Variants in DLC1 observed in about 807,000 individuals in gnomAD.
DLC1 encodes DLC1 Rho GTPase activating protein, also known as rho GTPase-activating protein 7.
DLC1 carries 54 observed loss-of-function variants against 140.3 expected under a neutral mutation model. That is an observed-to-expected ratio of 0.38 (90% CI 0.31 to 0.48). DLC1 has a LOEUF of 0.48. Ranked by LOEUF, DLC1 falls within the 20% of genes least tolerant of loss-of-function variation. The pLI, the probability that DLC1 is intolerant of heterozygous loss-of-function variation, is 0.96. For missense variants in DLC1, 2,536 were observed against 1,907.0 expected (o/e 1.33, Z -6.14); for synonymous variants, 986 against 728.1 (o/e 1.35, Z -5.70).
chr8:13,278,207 G>A lies in DLC1; in HGVS notation c.1348+27062C>T, dbSNP rs184727564. Reference sequence around the variant, plus strand: ...TAACTGCTGATGTAGACAGACCTCCGTGCCTGCACGGGCCAATTCCAAATG... The same window carrying A: ...TAACTGCTGATGTAGACAGACCTCCATGCCTGCACGGGCCAATTCCAAATG... On this transcript the variant is annotated intron_variant, in intron 5 of 17. Coordinates refer to ENST00000276297, the MANE Select transcript of DLC1 (RefSeq NM_182643.3). 2.1e-3 allele frequency among the ~76,000 whole-genome samples: 325 copies of A among 152,330 alleles called. 2 individuals carry two copies. The highest frequency in any genetic ancestry group is 7.2e-3 in the African/African-American group (301 of 41,578).
intron 2 of DLC1, among the ~76,000 whole-genome samples, chr8:13,419,161 C>G (rs1563331221): frequency 6.6e-6 from 1 of 152,140 alleles, no homozygotes; most frequent in Non-Finnish European, 1.5e-5. Flanking sequence ...GGTCTGCAAA[C>G]AGGGACAATT....
chr8:13,338,307 G>GA (rs1833891407), intron 4 of DLC1, among the ~76,000 whole-genome samples: 1 of 151,978 alleles, frequency 6.6e-6, no homozygotes, highest in Non-Finnish European at 1.5e-5. Context: ...GCCATGGTTC[G>GA]AAAAAAATAC....
intron 2 of DLC1, among the ~76,000 whole-genome samples, chr8:13,489,748 A>G (rs918336175): frequency 1.3e-5 from 2 of 152,294 alleles, no homozygotes; most frequent in South Asian, 4.1e-4. Context: ...AACCCTGGGC[A>G]GTGCAGGAGT....
At chr8:13,503,425 G>A (rs899455981) in intron 1 of DLC1, among the ~76,000 whole-genome samples, 7 of 152,064 alleles carry the variant, frequency 4.6e-5, no homozygotes, top group African/African-American at 1.4e-4. Context: ...CAAATTAAAT[G>A]TTACCGTATT....
intron 5 of DLC1, among the ~76,000 whole-genome samples, chr8:13,250,082 T>G (rs7011100): frequency 6.6e-6 from 1 of 152,112 alleles, no homozygotes; most frequent in Non-Finnish European, 1.5e-5. Context: ...TGGAATGGAT[T>G]GCATTCATTG....
At chr8:13,458,830 G>C (rs1447694753) in intron 2 of DLC1, among the ~76,000 whole-genome samples, 17 of 145,750 alleles carry the variant, frequency 1.2e-4, no homozygotes, top group African/African-American at 4.3e-4. Flanking sequence ...TCTTCATTTG[G>C]AAAAAAAAAA....
intron 4 of DLC1, among the ~76,000 whole-genome samples, chr8:13,317,149 C>A (rs1281377554): frequency 6.6e-6 from 1 of 152,126 alleles, no homozygotes; most frequent in South Asian, 2.1e-4. Flanking sequence ...GTTTGTAGCA[C>A]TGACATATTT....
intron 5 of DLC1, among the ~76,000 whole-genome samples, chr8:13,252,745 G>T (rs1327425840): frequency 1.3e-5 from 2 of 152,114 alleles, no homozygotes; most frequent in Non-Finnish European, 2.9e-5. Context: ...GGAAAAATGA[G>T]CAAAAGATTT....
At chr8:13,420,237 T>A (rs1838254462) in intron 2 of DLC1, among the ~76,000 whole-genome samples, 1 of 152,156 alleles carries the variant, frequency 6.6e-6, no homozygotes, top group African/African-American at 2.4e-5. Flanking sequence ...GAGTACCTAC[T>A]TTTCTTGTAG....
At chr8:13,276,579 C>CGCG in intron 5 of DLC1, 14 of 1,262,328 alleles carry the variant, frequency 1.1e-5, no homozygotes, top group Non-Finnish European at 1.4e-5. Flanking sequence ...GCCAAGCGCG[C>CGCG]GCGGCGGCCA....
At chr8:13,599,600 T>A (rs1487646316) in intron 1 of DLC1, among the ~76,000 whole-genome samples, 1 of 151,972 alleles carries the variant, frequency 6.6e-6, no homozygotes, top group Non-Finnish European at 1.5e-5. Context: ...ACTACGGAAG[T>A]TGAAGAAGTC....
At chr8:13,595,356 A>G (rs990474379) in intron 1 of DLC1, among the ~76,000 whole-genome samples, 3 of 152,066 alleles carry the variant, frequency 2.0e-5, no homozygotes, top group African/African-American at 7.2e-5. Flanking sequence ...TACCAACATC[A>G]GTGAGTGTAG....
At chr8:13,276,488 C>A in intron 5 of DLC1, 2 of 1,326,542 alleles carry the variant, frequency 1.5e-6, no homozygotes, top group South Asian at 4.1e-5. Context: ...CGCAGGCTGT[C>A]GCCTGCCTTC....
intron 4 of DLC1, among the ~76,000 whole-genome samples, chr8:13,366,734 G>C (rs1835497056): frequency 6.6e-6 from 1 of 152,106 alleles, no homozygotes; most frequent in Admixed American, 6.6e-5. Context: ...CTCAGTGAAG[G>C]CTCTATGCTC....
chr8:13,161,839 C>T (rs1475595976), intron 5 of DLC1, among the ~76,000 whole-genome samples: 1 of 152,152 alleles, frequency 6.6e-6, no homozygotes, highest in Non-Finnish European at 1.5e-5. Context: ...CCCTGTGCTT[C>T]TTGTTAAAAG....
intron 5 of DLC1, among the ~76,000 whole-genome samples, chr8:13,199,512 A>T (rs901682743): frequency 1.3e-5 from 2 of 151,968 alleles, no homozygotes; most frequent in African/African-American, 4.8e-5. Context: ...CTGCAACATC[A>T]TGCCCCCTGG....
At chr8:13,215,029 G>A (rs574010954) in intron 5 of DLC1, among the ~76,000 whole-genome samples, 29 of 152,080 alleles carry the variant, frequency 1.9e-4, no homozygotes, top group Middle Eastern at 3.4e-3. Flanking sequence ...TTATTCATTC[G>A]GCAAATAATT....
chr8:13,552,231 A>G (rs1177457831), intron 1 of DLC1, among the ~76,000 whole-genome samples: 1 of 146,512 alleles, frequency 6.8e-6, no homozygotes, highest in Non-Finnish European at 1.5e-5. Context: ...AGACAGATAT[A>G]TATATATATA....
intron 2 of DLC1, among the ~76,000 whole-genome samples, chr8:13,443,574 G>A (rs1798637360): frequency 6.8e-6 from 1 of 147,870 alleles, no homozygotes; most frequent in Non-Finnish European, 1.5e-5. Context: ...CAGGAGAATG[G>A]CATGAACCCA....
Sources: allele counts gnomAD v4.1 joint callset (sites outside exome capture counted in the v4.1 genomes callset), GRCh38; gene constraint gnomAD v4.1.1; transcripts MANE v1.5; gene names NCBI Gene and HGNC (gene_info 2026-07-23, HGNC 2026-07-21).